Variants in CRYZ observed in about 807,000 individuals in gnomAD.
CRYZ encodes the protein crystallin zeta.
CRYZ carries 35 observed loss-of-function variants against 34.1 expected under a neutral mutation model. The ratio of observed to expected loss-of-function variants is 1.03; its 90% CI spans 0.78 to 1.36. CRYZ has a LOEUF of 1.36. CRYZ is among the 40% of genes most tolerant of loss of function. The probability of loss-of-function intolerance (pLI) is 0.00; values close to 1 mark genes in which losing one functional copy is unlikely to be tolerated. For missense variants in CRYZ, 403 were observed against 391.8 expected (o/e 1.03, Z -0.24); for synonymous variants, 137 against 136.5 (o/e 1.00, Z -0.03).
chr1:74,706,466 A>T lies in CRYZ; in HGVS notation c.829-9T>A. 1 of 1,585,194 alleles carries T rather than the reference A, an allele frequency of 6.3e-7. No individual in the cohort carries two copies. Among genetic ancestry groups the T allele is most frequent in the East Asian group, 2.2e-5 (1 of 44,648 alleles). The stretch of plus-strand genomic sequence containing the variant: ...TATTGCTGAAATTCCTCCTAAGAAA[A>T]GGAAAAACAAATTTCTTTTTGTAGT... On this transcript the variant is annotated splice_polypyrimidine_tract_variant and intron_variant, in intron 8 of 8. Coordinates refer to ENST00000340866, the MANE Select transcript of CRYZ (RefSeq NM_001889.4).
chr1:74,729,029 C>T (rs958656625), intron 1 of CRYZ, among the ~76,000 whole-genome samples: 21 of 152,030 alleles, frequency 1.4e-4, no homozygotes, highest in African/African-American at 5.1e-4. Flanking sequence ...GCTCAGAATT[C>T]CTTAGACAAG....
At chr1:74,724,061 C>T (rs1473711599) in intron 2 of CRYZ, among the ~76,000 whole-genome samples, 2 of 152,118 alleles carry the variant, frequency 1.3e-5, no homozygotes, top group East Asian at 1.9e-4. Flanking sequence ...ATAGCATGTG[C>T]AAAGACAGAG....
chr1:74,724,596 G>A, intron 2 of CRYZ, 115 bp downstream of exon 2: 1 of 661,694 alleles, frequency 1.5e-6, no homozygotes, highest in Non-Finnish European at 2.6e-6. Flanking sequence ...AGTGTAAACT[G>A]CATCCTAATT....
At chr1:74,707,728 G>A (rs1323782613) in intron 6 of CRYZ, 1 of 152,154 alleles carries the variant, frequency 6.6e-6, no homozygotes, top group Non-Finnish European at 1.5e-5. Flanking sequence ...TTGGACGCTG[G>A]CTCTTACAAA....
chr1:74,723,006 A>T, intron 3 of CRYZ, 112 bp downstream of exon 3: 1 of 1,066,246 alleles, frequency 9.4e-7, no homozygotes, highest in Non-Finnish European at 1.4e-6. Flanking sequence ...GAGTGGCAGA[A>T]ATTGTGTAAT....
rs1314224424 is a variant in CRYZ, at chr1:74,706,906, G to C, written c.821C>G (p.Ser274Ter). The C allele has an allele frequency of 6.2e-7, 1 of 1,611,340 alleles. No individual in the cohort carries two copies. Among genetic ancestry groups the C allele is most frequent in the South Asian group, 1.1e-5 (1 of 90,926 alleles). Residue 274 changes from serine (S) to a stop codon, truncating the protein, a stop_gained, in exon 8 of 9, where the codon TCA becomes TGA. Coordinates refer to ENST00000340866, the MANE Select transcript of CRYZ (RefSeq NM_001889.4). LOFTEE classifies it high-confidence loss of function. ...AAGTACTTCTTTTCCTACCTTGGTT[G>C]AGGAAAAGAGAGTAACTCCAATTAT... ...SSIIGVTLFSSTKEEFQQYAA... is the reference protein window; with the variant it reads ...SSIIGVTLFS
In CRYZ at chr1:74,720,328, C is replaced by G. The variant is rs371117764; in HGVS notation, c.265-956G>C. On this transcript the variant is annotated intron_variant, in intron 3 of 8. Coordinates refer to ENST00000340866, the MANE Select transcript of CRYZ (RefSeq NM_001889.4). ...CTGACAGCAGGATGACCCAGGACAGCCTTCTTCTTGTCACGGCACCAGAAA... is the reference window on the plus strand; with the variant it reads ...CTGACAGCAGGATGACCCAGGACAGGCTTCTTCTTGTCACGGCACCAGAAA... Among the ~76,000 whole-genome samples, 5 of 152,196 alleles carry G rather than the reference C, an allele frequency of 3.3e-5. No individual in the cohort carries two copies. The East Asian group carries it at 5.8e-4, about 18-fold the overall frequency.
intron 3 of CRYZ, among the ~76,000 whole-genome samples, chr1:74,721,079 G>T (rs1647155702): frequency 6.6e-6 from 1 of 152,048 alleles, no homozygotes; most frequent in African/African-American, 2.4e-5. Flanking sequence ...TACGGGTGAA[G>T]GAAACAAAGT....
chr1:74,728,611 C>T (rs1005662426), intron 1 of CRYZ, among the ~76,000 whole-genome samples: 5 of 152,174 alleles, frequency 3.3e-5, no homozygotes, highest in Admixed American at 6.5e-5. Context: ...CAGGACTACT[C>T]AGAACAGAGC....
intron 4 of CRYZ, among the ~76,000 whole-genome samples, chr1:74,717,599 A>T (rs1647095652): frequency 6.6e-6 from 1 of 152,198 alleles, no homozygotes; most frequent in South Asian, 2.1e-4. Context: ...CCTCCAAGTA[A>T]TTCTTACCAC....
At chr1:74,720,454 G>A (rs978092819) in intron 3 of CRYZ, among the ~76,000 whole-genome samples, 29 of 152,182 alleles carry the variant, frequency 1.9e-4, no homozygotes, top group Admixed American at 1.9e-3. Context: ...TATTGGGCCA[G>A]TATGTAATTT....
chr1:74,728,089 A>T (rs1204523340), intron 1 of CRYZ, among the ~76,000 whole-genome samples: 1 of 152,220 alleles, frequency 6.6e-6, no homozygotes, highest in East Asian at 1.9e-4. Context: ...GGAAAAAGAA[A>T]ATTCTGATTT....
chr1:74,707,053 T>C, intron 7 of CRYZ, 50 bp downstream of exon 7: 2 of 1,551,338 alleles, frequency 1.3e-6, no homozygotes, highest in Non-Finnish European at 1.7e-6. Context: ...TGTTAAATTG[T>C]GGTAAAACAT....
Position 74,705,583 on chromosome 1 carries a change from T to C in CRYZ, c.*713A>G, listed in dbSNP as rs974364149. 3 of 152,122 alleles carry C rather than the reference T, an allele frequency of 2.0e-5. No homozygotes were observed. The highest frequency in any genetic ancestry group is 7.2e-5 in the African/African-American group (3 of 41,442). 9.4% of individuals were successfully genotyped at this position (152,122 alleles called of 1,614,324 possible). On this transcript the variant is annotated 3_prime_UTR_variant, in exon 9 of 9. Coordinates refer to ENST00000340866, the MANE Select transcript of CRYZ (RefSeq NM_001889.4). ...AATTTGTGAGCTTAATTAACAAAAA[T>C]ATTTGACCCTCACCAGAAAAACAGA...
intron 1 of CRYZ, among the ~76,000 whole-genome samples, chr1:74,725,532 T>C (rs560704433): frequency 2.0e-5 from 3 of 150,390 alleles, no homozygotes; most frequent in Non-Finnish European, 3.0e-5. Context: ...GTCCCTCCCA[T>C]GACACATGGG....
intron 3 of CRYZ, among the ~76,000 whole-genome samples, chr1:74,719,884 A>C (rs1482747537): frequency 6.6e-6 from 1 of 152,082 alleles, no homozygotes; most frequent in Non-Finnish European, 1.5e-5. Context: ...AACATATAAG[A>C]AAAAGAAGGA....
chr1:74,726,530 T>C (rs566419156), intron 1 of CRYZ, among the ~76,000 whole-genome samples: 2 of 152,324 alleles, frequency 1.3e-5, no homozygotes, highest in South Asian at 4.1e-4. Context: ...TTTTAACTCC[T>C]AGGCCTCTGG....
chr1:74,724,119 C>G (rs914083279), intron 2 of CRYZ, among the ~76,000 whole-genome samples: 3 of 152,100 alleles, frequency 2.0e-5, no homozygotes, highest in Non-Finnish European at 4.4e-5. Flanking sequence ...GATGTTGTTA[C>G]AGCACTGTAT....
Position 74,707,176 on chromosome 1 carries a change from A to G in CRYZ, c.659T>C (p.Ile220Thr), listed in dbSNP as rs1646941976. The G allele has an allele frequency of 6.4e-7, 1 of 1,574,586 alleles. No homozygotes were observed. The highest frequency in any genetic ancestry group is 8.7e-7 in the Non-Finnish European group (1 of 1,153,608). ...TACATTAGCTAACATTTCAATAATTATATCAATTCCTTTCTCACCAACATA... is the reference window on the plus strand; with the variant it reads ...TACATTAGCTAACATTTCAATAATTGTATCAATTCCTTTCTCACCAACATA... ...KKYVGEKGID[I>T]IIEMLANVNL... The change falls in exon 7 of 9, where the codon ATA becomes ACA. Residue 220 changes from isoleucine (I) to threonine (T), a missense_variant. Ile to Thr is a moderately conservative substitution (Grantham distance 89). Coordinates refer to ENST00000340866, the MANE Select transcript of CRYZ (RefSeq NM_001889.4).
Sources: allele counts gnomAD v4.1 joint callset (sites outside exome capture counted in the v4.1 genomes callset), GRCh38; gene constraint gnomAD v4.1.1; transcripts MANE v1.5; gene names NCBI Gene and HGNC (gene_info 2026-07-23, HGNC 2026-07-21).